Variants in ERC2 observed in about 807,000 individuals in gnomAD.
ERC2 encodes the protein ERC protein 2.
ERC2 carries 42 observed loss-of-function variants against 114.8 expected under a neutral mutation model. That is an observed-to-expected ratio of 0.37 (90% CI 0.29 to 0.47). The LOEUF (loss-of-function observed/expected upper bound fraction) is 0.47. ERC2 is among the 20% of genes least tolerant of loss of function. The pLI is 0.99. For synonymous variants in ERC2, 454 were observed against 425.5 expected (o/e 1.07, Z -0.82); for missense variants, 939 against 1,150.7 (o/e 0.82, Z 2.66).
chr3:55,831,286 T>A (rs1311781699), intron 14 of ERC2, among the ~76,000 whole-genome samples: 1 of 140,418 alleles, frequency 7.1e-6, no homozygotes, highest in African/African-American at 2.7e-5. Context: ...TACTTCAGAC[T>A]GGGTGACAGA....
At chr3:56,122,717 C>A (rs1303027188) in intron 6 of ERC2, among the ~76,000 whole-genome samples, 1 of 152,084 alleles carries the variant, frequency 6.6e-6, no homozygotes, top group Non-Finnish European at 1.5e-5. Flanking sequence ...AATGATGACT[C>A]CCTTTCTAAT....
intron 17 of ERC2, among the ~76,000 whole-genome samples, chr3:55,529,505 T>C (rs1401404379): frequency 1.3e-5 from 2 of 152,200 alleles, no homozygotes; most frequent in Non-Finnish European, 2.9e-5. Context: ...AAAGGTTACT[T>C]TGCAAATATA....
chr3:55,882,602 T>C (rs1291590013), intron 14 of ERC2, among the ~76,000 whole-genome samples: 1 of 152,244 alleles, frequency 6.6e-6, no homozygotes, highest in Non-Finnish European at 1.5e-5. Context: ...ACAATACAAA[T>C]GTAACAACTA....
At chr3:56,370,352 G>A (rs879923870) in intron 2 of ERC2, among the ~76,000 whole-genome samples, 2 of 152,180 alleles carry the variant, frequency 1.3e-5, no homozygotes, top group Non-Finnish European at 2.9e-5. Context: ...CATTGCTCCG[G>A]ATTTCTTGTT....
chr3:55,931,985 G>T (rs548281603), intron 13 of ERC2, among the ~76,000 whole-genome samples: 1 of 152,142 alleles, frequency 6.6e-6, no homozygotes, highest in African/African-American at 2.4e-5. Context: ...CTTAACTATG[G>T]AATAACGATC....
chr3:56,252,763 A>AAAAAAAT, intron 3 of ERC2, among the ~76,000 whole-genome samples: 1 of 151,606 alleles, frequency 6.6e-6, no homozygotes, highest in Non-Finnish European at 1.5e-5. Flanking sequence ...GTCTCAAAAA[A>AAAAAAAT]AAAAAAAAAA....
At chr3:55,740,851 C>A (rs551865170) in intron 14 of ERC2, among the ~76,000 whole-genome samples, 1 of 152,202 alleles carries the variant, frequency 6.6e-6, no homozygotes, top group Non-Finnish European at 1.5e-5. Flanking sequence ...ACCCCAAATC[C>A]AAAGTACTCC....
chr3:56,061,592 G>A (rs1000919712), intron 7 of ERC2, among the ~76,000 whole-genome samples: 1 of 152,164 alleles, frequency 6.6e-6, no homozygotes, highest in African/African-American at 2.4e-5. Context: ...TAAAGGTCTT[G>A]TGGCAATGAC....
chr3:55,667,031 A>T (rs751869064), intron 17 of ERC2, among the ~76,000 whole-genome samples: 2 of 152,228 alleles, frequency 1.3e-5, no homozygotes, highest in Non-Finnish European at 2.9e-5. Flanking sequence ...TATGTTAAAC[A>T]TTGTGTTAGT....
intron 17 of ERC2, among the ~76,000 whole-genome samples, chr3:55,597,772 C>T (rs1264901658): frequency 6.6e-6 from 1 of 152,184 alleles, no homozygotes; most frequent in Non-Finnish European, 1.5e-5. Flanking sequence ...CTGATGAAAG[C>T]CTGACTTGGC....
chr3:56,457,001 T>C (rs2063094384), intron 1 of ERC2, among the ~76,000 whole-genome samples: 1 of 152,248 alleles, frequency 6.6e-6, no homozygotes, highest in Non-Finnish European at 1.5e-5. Context: ...TATTGAATAG[T>C]GTTCTAGCCC....
chr3:55,843,412 G>A (rs991827811), intron 14 of ERC2, among the ~76,000 whole-genome samples: 4 of 152,162 alleles, frequency 2.6e-5, no homozygotes, highest in African/African-American at 7.2e-5. Flanking sequence ...CAGATCATAT[G>A]AGACTGATAA....
intron 14 of ERC2, among the ~76,000 whole-genome samples, chr3:55,746,406 G>A (rs564144042): frequency 5.9e-5 from 9 of 152,152 alleles, no homozygotes; most frequent in South Asian, 4.1e-4. Context: ...GTTAATTTTT[G>A]TAGTTTTAGT....
At chr3:55,647,219 G>C (rs1473659477) in intron 17 of ERC2, 2 of 148,032 alleles carry the variant, frequency 1.4e-5, no homozygotes, top group African/African-American at 5.3e-5. Flanking sequence ...CCCGCCTCCC[G>C]ATGAACTGTT....
At chr3:55,578,465 G>C (rs2107551025) in intron 17 of ERC2, among the ~76,000 whole-genome samples, 1 of 152,204 alleles carries the variant, frequency 6.6e-6, no homozygotes, top group South Asian at 2.1e-4. Flanking sequence ...CCTCAGAAAG[G>C]CCTTTACTCA....
At position 56,139,833 on chromosome 3, in the gene ERC2, C is replaced by A. The variant is rs1395797189; in HGVS notation, c.1306-157G>T. ...TTAAAAAAGATGGCCTTGGGAATCA[C>A]ACAGTCTTTGGGTTCTGGAGGAAAA... On this transcript the variant is annotated intron_variant, in intron 5 of 17. Coordinates refer to ENST00000288221, the MANE Select transcript of ERC2 (RefSeq NM_015576.3). Among the ~76,000 whole-genome samples the A allele has an allele frequency of 2.0e-5, 3 of 152,158 alleles. No individual in the cohort carries two copies. In the East Asian group the frequency reaches 5.8e-4, roughly 29 times the overall value.
chr3:56,135,724 C>T (rs1279643608), intron 6 of ERC2, among the ~76,000 whole-genome samples: 1 of 152,170 alleles, frequency 6.6e-6, no homozygotes, highest in East Asian at 1.9e-4. Flanking sequence ...CTTCTAAATG[C>T]TGTGTTTTGT....
intron 3 of ERC2, among the ~76,000 whole-genome samples, chr3:56,239,925 A>G (rs980876272): frequency 6.6e-6 from 1 of 152,252 alleles, no homozygotes; most frequent in Non-Finnish European, 1.5e-5. Context: ...CTAGAGTTAC[A>G]CAATATTTGA....
Position 56,068,151 on chromosome 3 carries a change from G to A in ERC2, c.1641+12666C>T, listed in dbSNP as rs146918668. Among the ~76,000 whole-genome samples, 431 of 152,286 alleles carry A rather than the reference G, an allele frequency of 2.8e-3. 3 individuals are homozygous for A. Among genetic ancestry groups the A allele is most frequent in the Middle Eastern group, 0.024 (7 of 294 alleles). On this transcript the variant is annotated intron_variant, in intron 7 of 17. Transcript: ENST00000288221. ...TTTGTACCTCTGGTAGAATTTGGCT[G>A]TGAATCCATCTGCTCCTGGGCTTTT... is the stretch of plus-strand genomic sequence containing the variant.
Sources: gnomAD v4.1 joint callset for allele counts (sites outside exome capture counted in the v4.1 genomes callset) on GRCh38, gnomAD v4.1.1 for gene constraint, MANE v1.5 for transcripts, NCBI Gene and HGNC (gene_info 2026-07-23, HGNC 2026-07-21) for gene names.